LYST: variants seen among roughly 807,000 people sequenced by gnomAD.
The protein encoded by LYST is lysosomal-trafficking regulator.
In LYST, 192 loss-of-function variants were observed where a neutral mutation model predicts 413.6. That is an observed-to-expected ratio of 0.46 (90% confidence interval 0.41 to 0.52). The LOEUF is 0.52. LYST is among the 20% of genes least tolerant of loss of function. The pLI, the probability that LYST is intolerant of heterozygous loss-of-function variation, is 0.00. For synonymous variants in LYST, 1,525 were observed against 1,567.3 expected (o/e 0.97, Z 0.64); for missense variants, 3,815 against 4,499.9 (o/e 0.85, Z 4.35).
chr1:235,794,907 C>T (rs553128147), intron 10 of LYST, among the ~76,000 whole-genome samples: 18 of 152,160 alleles, frequency 1.2e-4, no homozygotes, highest in African/African-American at 2.2e-4. Context: ...TATACACTTG[C>T]TTCTGTGTAC....
chr1:235,768,546 G>A (rs932458571), intron 20 of LYST, among the ~76,000 whole-genome samples: 2 of 151,952 alleles, frequency 1.3e-5, no homozygotes, highest in South Asian at 2.1e-4. Flanking sequence ...TTTAATAAAT[G>A]GCTGTTAATT....
intron 1 of LYST, among the ~76,000 whole-genome samples, chr1:235,865,483 T>C (rs767475445): frequency 2.5e-4 from 38 of 152,332 alleles, no homozygotes; most frequent in Admixed American, 5.2e-4. Context: ...ACGCAGTAGG[T>C]GCTCAATAAA....
rs74439184 is a variant in LYST, at chr1:235,812,699, C to A, written c.283+272G>T. The stretch of plus-strand genomic sequence containing the variant: ...TCCATTTTTCTGATGTTATGCTGCA[C>A]ACCTAGACTCACTCCTTCTGATAAG... On this transcript the variant is annotated intron_variant, in intron 4 of 52. Transcript: ENST00000389793. Among the ~76,000 whole-genome samples the A allele has an allele frequency of 0.017, 2,513 of 152,172 alleles. 62 individuals are homozygous for A. The highest frequency in any genetic ancestry group is 0.05 in the African/African-American group (2,087 of 41,502).
upstream of LYST, among the ~76,000 whole-genome samples, chr1:235,867,144 G>A (rs578000636): frequency 1.3e-5 from 2 of 152,340 alleles, no homozygotes; most frequent in African/African-American, 2.4e-5. Flanking sequence ...GCCGACCCGC[G>A]GGGCTGCAGC....
At chr1:235,746,238 A>C (rs1452013272) in intron 29 of LYST, 98 bp downstream of exon 29, 1 of 978,972 alleles carries the variant, frequency 1.0e-6, no homozygotes, top group African/African-American at 1.6e-5. Flanking sequence ...CTGAAAAATA[A>C]TGCTGCTTAA....
intron 47 of LYST, 60 bp downstream of exon 47, chr1:235,693,290 G>A (rs925519796): frequency 1.6e-6 from 2 of 1,281,424 alleles, no homozygotes; most frequent in Non-Finnish European, 2.2e-6. Flanking sequence ...GCTCCAGCTT[G>A]GGCGGCAGAG....
At chr1:235,756,944 T>C (rs1667105097) in intron 24 of LYST, among the ~76,000 whole-genome samples, 1 of 152,128 alleles carries the variant, frequency 6.6e-6, no homozygotes, top group African/African-American at 2.4e-5. Flanking sequence ...ACGTATTCCT[T>C]GTAATTTTTA....
At chr1:235,663,425 A>AT (rs1339172816) in intron 52 of LYST, among the ~76,000 whole-genome samples, 1 of 152,088 alleles carries the variant, frequency 6.6e-6, no homozygotes, top group Non-Finnish European at 1.5e-5. Flanking sequence ...ACAGTACTAT[A>AT]TTTTCTCCTT....
At chr1:235,805,232 T>C in intron 6 of LYST, among the ~76,000 whole-genome samples, 1 of 152,148 alleles carries the variant, frequency 6.6e-6, no homozygotes, top group African/African-American at 2.4e-5. Flanking sequence ...TGGACAAAGA[T>C]GTGGTTTTAG....
rs558162561 is a variant in LYST, at chr1:235,806,698, C to A, written c.2438G>T (p.Arg813Leu). ...IIELNCLNGI[R>L]SHSLKAFETL... ...TTCAAATGCTTTTAGAGAATGACTT[C>A]GAATACCATTTAAGCAATTTAATTC... The change falls in exon 6 of 53, where the codon CGA becomes CTA. Residue 813 changes from arginine to leucine, a missense_variant. Physicochemically the swap from Arg to Leu is moderately radical, Grantham distance 102. This residue lies in a region of LYST where 1,648 missense variants were observed against 1,810.3 expected (regional missense o/e 0.91). Coordinates refer to ENST00000389793, the MANE Select transcript of LYST (RefSeq NM_000081.4). The A allele has an allele frequency of 6.2e-7, 1 of 1,613,222 alleles. No individual in the cohort carries two copies. Among genetic ancestry groups the A allele is most frequent in the Admixed American group, 1.7e-5 (1 of 59,980 alleles).
chr1:235,805,998 G>T lies in LYST; in HGVS notation c.3138C>A (p.Asp1046Glu). ...GACTACCTAGTTCTGATGGTATGGG[G>T]TCACTTTTTATAGCCAAAGATAATA... ...EDLLSLAIKS[D>E]PIPSELGSLK... Residue 1046 changes from aspartate (D) to glutamate (E), a missense_variant, in exon 6 of 53, where the codon GAC becomes GAA. Asp to Glu is a conservative substitution (Grantham distance 45). Transcript: ENST00000389793. 1 of 1,613,774 alleles carries T rather than the reference G, an allele frequency of 6.2e-7. No individual in the cohort carries two copies. The highest frequency in any genetic ancestry group is 8.5e-7 in the Non-Finnish European group (1 of 1,179,830).
chr1:235,686,970 T>C lies in LYST; in HGVS notation c.10779A>G (p.Thr3593=). 1 of 1,614,100 alleles carries C rather than the reference T, an allele frequency of 6.2e-7. No individual in the cohort carries two copies. Among genetic ancestry groups the C allele is most frequent in the East Asian group, 2.2e-5 (1 of 44,862 alleles). Reference sequence around the variant, plus strand: ...CTACCGTGCTGCTTGTAAATCTGTTTGTGTAGGCTGTGATGACACCGCATT... The same window carrying C: ...CTACCGTGCTGCTTGTAAATCTGTTCGTGTAGGCTGTGATGACACCGCATT... ...GSKCGVITAY[T]NRFTSSTPSE... The change falls in exon 48 of 53, where the codon ACA becomes ACG. Residue 3593 remains threonine, a synonymous_variant. Transcript: ENST00000389793. This position sits in a 1 kb window ranked among gnomAD's most constrained non-coding sequence, Gnocchi z 4.0.
upstream of LYST, among the ~76,000 whole-genome samples, chr1:235,870,504 A>G (rs1680879794): frequency 1.3e-5 from 2 of 152,208 alleles, no homozygotes; most frequent in South Asian, 2.1e-4. Context: ...CTCTGAGCCT[A>G]CCTTGGCTCA....
At chr1:235,717,531 A>G (rs548974489) in intron 40 of LYST, among the ~76,000 whole-genome samples, 7 of 152,138 alleles carry the variant, frequency 4.6e-5, no homozygotes, top group Non-Finnish European at 8.8e-5. Context: ...TTGAAGGAGC[A>G]AAAGAAAAAG....
intron 1 of LYST, among the ~76,000 whole-genome samples, chr1:235,865,178 A>G (rs1423307347): frequency 1.3e-5 from 2 of 152,200 alleles, no homozygotes; most frequent in East Asian, 1.9e-4. Context: ...CCTCTCTGCT[A>G]GCACATCCTT....
rs1676233347 is a variant in LYST at position 235,833,652 on chromosome 1, T to G, written c.-82A>C. On this transcript the variant is annotated 5_prime_UTR_variant, in exon 2 of 53. Coordinates refer to ENST00000389793, the MANE Select transcript of LYST (RefSeq NM_000081.4). ...ATAAACTAGATGAAACAAATATTCT[T>G]AGAACAAAGCTTCACCTACAAAAAA... 1 of 912,532 alleles carries G rather than the reference T, an allele frequency of 1.1e-6. No individual in the cohort carries two copies. The highest frequency in any genetic ancestry group is 1.3e-6 in the Non-Finnish European group (1 of 763,544). 56.5% of individuals were successfully genotyped at this position (912,532 alleles called of 1,614,324 possible).
At chr1:235,769,519 T>C (rs1379322021) in intron 20 of LYST, among the ~76,000 whole-genome samples, 2 of 152,038 alleles carry the variant, frequency 1.3e-5, no homozygotes, top group Non-Finnish European at 2.9e-5. Context: ...CTTATCTAAC[T>C]TGACAAAGTT....
In LYST at chr1:235,759,078, C is replaced by T. The variant is rs773927032; in HGVS notation, c.6775G>A (p.Val2259Ile). 52 of 1,614,178 alleles carry T rather than the reference C, an allele frequency of 3.2e-5. No homozygotes were observed. The East Asian group carries it at 8.2e-4, about 26-fold the overall frequency. Residue 2259 changes from valine to isoleucine, a missense_variant, in exon 23 of 53, where the codon GTT becomes ATT. Transcript: ENST00000389793. ...AFPSQNGSAA[V>I]GRWPSLVDRN... ...TCAACAAGACTTGGCCAACGGCCAACAGCTGCAGATCCGTTCTGTGAAGGA... is the reference window on the plus strand; with the variant it reads ...TCAACAAGACTTGGCCAACGGCCAATAGCTGCAGATCCGTTCTGTGAAGGA...
chr1:235,780,800 A>C (rs555893432), intron 16 of LYST, 65 bp downstream of exon 16: 2 of 602,224 alleles, frequency 3.3e-6, no homozygotes, highest in Non-Finnish European at 5.6e-6. Flanking sequence ...TCATAACTAT[A>C]CATTACAATA....
Sources: allele counts gnomAD v4.1 joint callset (sites outside exome capture counted in the v4.1 genomes callset), GRCh38; gene constraint gnomAD v4.1.1; regional missense constraint gnomAD v4.1.1; non-coding constraint Gnocchi (gnomAD v3.1); transcripts MANE v1.5; gene names NCBI Gene and HGNC (gene_info 2026-07-23, HGNC 2026-07-21).